DEPDC5: variants seen among roughly 807,000 people sequenced by gnomAD.
The protein encoded by DEPDC5 is DEP domain containing 5, GATOR1 subcomplex subunit.
A neutral mutation model predicts 217.3 loss-of-function variants in DEPDC5; 73 were observed. The observed-to-expected ratio is 0.34, with a 90% CI of 0.28 to 0.41. The LOEUF (loss-of-function observed/expected upper bound fraction) is 0.41. DEPDC5 is among the 10% of genes least tolerant of loss of function. DEPDC5 has a pLI of 1.00. For missense variants in DEPDC5, 1,675 were observed against 2,070.1 expected (o/e 0.81, Z 3.70); for synonymous variants, 733 against 756.7 (o/e 0.97, Z 0.51).
chr22:31,873,649 CA>C (rs2092912043), intron 35 of DEPDC5, among the ~76,000 whole-genome samples: 1 of 151,902 alleles, frequency 6.6e-6, no homozygotes, highest in Non-Finnish European at 1.5e-5. Context: ...AGTTAAGCCA[CA>C]GGGTTGATGT....
At chr22:31,866,736 TG>T (rs1036044661) in intron 33 of DEPDC5, among the ~76,000 whole-genome samples, 75 of 152,294 alleles carry the variant, frequency 4.9e-4, no homozygotes, top group African/African-American at 1.7e-3. Flanking sequence ...CCTGGCCAGG[TG>T]TCCTGTAGAA....
intron 38 of DEPDC5, among the ~76,000 whole-genome samples, chr22:31,888,577 T>C (rs1201095964): frequency 6.6e-6 from 1 of 150,770 alleles, no homozygotes; most frequent in African/African-American, 2.4e-5. Context: ...TGACACAGAG[T>C]CTTGCTCTGT....
intron 8 of DEPDC5, among the ~76,000 whole-genome samples, chr22:31,783,203 A>G (rs1252212637): frequency 1.3e-5 from 2 of 152,134 alleles, no homozygotes; most frequent in African/African-American, 4.8e-5. Flanking sequence ...CAAATAAGGG[A>G]ATAAAAGCTG....
intron 7 of DEPDC5, among the ~76,000 whole-genome samples, chr22:31,772,540 G>T (rs1403195104): frequency 6.6e-6 from 1 of 152,084 alleles, no homozygotes; most frequent in Non-Finnish European, 1.5e-5. Context: ...TCAAGGACCA[G>T]TTAATAAATA....
chr22:31,839,136 A>T (rs1166790868), intron 27 of DEPDC5, among the ~76,000 whole-genome samples: 1 of 152,210 alleles, frequency 6.6e-6, no homozygotes, highest in East Asian at 1.9e-4. Context: ...CTGAGTCACT[A>T]CTGAGCTGTC....
chr22:31,902,408 T>TATATATATATATATATATATATATA (rs2093663741), intron 41 of DEPDC5, among the ~76,000 whole-genome samples: 4 of 111,928 alleles, frequency 3.6e-5, no homozygotes, highest in South Asian at 5.8e-4. Flanking sequence ...CATCTCCTTA[T>TATATATATATATATATATATATATA]TATATATATA....
chr22:31,758,684 G>C (rs763558156), intron 3 of DEPDC5, 51 bp downstream of exon 3: 2 of 1,528,874 alleles, frequency 1.3e-6, no homozygotes, highest in Admixed American at 3.3e-5. Context: ...GTTTCCAAAT[G>C]ATGTCCAAGG....
intron 38 of DEPDC5, among the ~76,000 whole-genome samples, chr22:31,885,054 GCA>G (rs2093272517): frequency 6.6e-6 from 1 of 152,138 alleles, no homozygotes; most frequent in East Asian, 1.9e-4. Flanking sequence ...TGTCACCTCT[GCA>G]CTGGCCTCCT....
intron 14 of DEPDC5, among the ~76,000 whole-genome samples, chr22:31,801,605 T>G (rs1299467075): frequency 6.6e-6 from 1 of 152,224 alleles, no homozygotes; most frequent in Non-Finnish European, 1.5e-5. Flanking sequence ...TCGAAGAACC[T>G]TAGTGGCTCT....
At chr22:31,850,212 TAAA>T (rs1415178362) in intron 31 of DEPDC5, among the ~76,000 whole-genome samples, 3 of 151,868 alleles carry the variant, frequency 2.0e-5, no homozygotes, top group Non-Finnish European at 4.4e-5. Flanking sequence ...ATTTTTATAT[TAAA>T]AATATAATAT....
At chr22:31,770,547 A>ATTTTTTTTTTTTT (rs34409975) in intron 7 of DEPDC5, among the ~76,000 whole-genome samples, 1 of 133,464 alleles carries the variant, frequency 7.5e-6, no homozygotes. Context: ...CACGTAGCTA[A>ATTTTTTTTTTTTT]TTTTTTTTTT....
intron 19 of DEPDC5, among the ~76,000 whole-genome samples, chr22:31,810,230 G>T (rs570273368): frequency 1.2e-4 from 18 of 152,206 alleles, no homozygotes; most frequent in East Asian, 5.8e-4. Flanking sequence ...TTTAAGAAGG[G>T]TCACAAAAGG....
intron 34 of DEPDC5, among the ~76,000 whole-genome samples, chr22:31,872,539 C>T (rs1368657024): frequency 6.6e-6 from 1 of 152,134 alleles, no homozygotes; most frequent in African/African-American, 2.4e-5. Flanking sequence ...TCCCCATGCT[C>T]TTAGGGTGTT....
chr22:31,777,179 C>T (rs1378506114), intron 7 of DEPDC5, among the ~76,000 whole-genome samples: 3 of 143,252 alleles, frequency 2.1e-5, no homozygotes, highest in Non-Finnish European at 3.1e-5. Flanking sequence ...AGGGTGGTCT[C>T]GAACTCCTGA....
intron 27 of DEPDC5, among the ~76,000 whole-genome samples, chr22:31,840,515 C>T (rs1394445035): frequency 6.6e-6 from 1 of 152,316 alleles, no homozygotes; most frequent in East Asian, 1.9e-4. Context: ...GTCACTGGCA[C>T]CTTCCAGGCT....
chr22:31,899,475 G>A (rs573636666), intron 40 of DEPDC5, among the ~76,000 whole-genome samples: 4 of 151,794 alleles, frequency 2.6e-5, no homozygotes, highest in Non-Finnish European at 5.9e-5. Context: ...TGCAACCTCC[G>A]CCTCCTGGGT....
intron 6 of DEPDC5, among the ~76,000 whole-genome samples, chr22:31,766,957 C>T (rs2082870628): frequency 6.6e-6 from 1 of 152,062 alleles, no homozygotes; most frequent in South Asian, 2.1e-4. Flanking sequence ...CCATTTGCTC[C>T]TCACATCTCC....
intron 40 of DEPDC5, among the ~76,000 whole-genome samples, chr22:31,898,811 C>T (rs575799372): frequency 1.5e-4 from 23 of 152,358 alleles, no homozygotes; most frequent in African/African-American, 5.3e-4. Flanking sequence ...CCCACAGAGG[C>T]CCTACCTGCT....
chr22:31,857,815 C>T (rs1017283014), intron 32 of DEPDC5: 4 of 301,870 alleles, frequency 1.3e-5, no homozygotes, highest in East Asian at 6.9e-5. Flanking sequence ...TTTGGGAGGC[C>T]GAGGCTGGAG....
Sources: gnomAD v4.1 joint callset for allele counts (sites outside exome capture counted in the v4.1 genomes callset) on GRCh38, gnomAD v4.1.1 for gene constraint, MANE v1.5 for transcripts, NCBI Gene and HGNC (gene_info 2026-07-23, HGNC 2026-07-21) for gene names.